Variants in ZBTB16 observed in about 807,000 individuals in gnomAD.
ZBTB16 encodes zinc finger and BTB domain-containing protein 16.
Under a neutral mutation model 56.8 loss-of-function variants are expected in ZBTB16, and 8 were observed. The observed-to-expected ratio is 0.14, with a 90% CI of 0.08 to 0.25. ZBTB16 has a LOEUF of 0.25. Ranked by LOEUF, ZBTB16 falls within the 10% of genes least tolerant of loss-of-function variation. The pLI, the probability that ZBTB16 is intolerant of heterozygous loss-of-function variation, is 1.00. For synonymous variants in ZBTB16, 363 were observed against 368.5 expected (o/e 0.98, Z 0.17); for missense variants, 625 against 903.0 (o/e 0.69, Z 3.95).
intron 4 of ZBTB16, among the ~76,000 whole-genome samples, chr11:114,238,318 G>A (rs960615084): frequency 3.3e-5 from 5 of 152,174 alleles, no homozygotes; most frequent in Admixed American, 3.3e-4. Flanking sequence ...TCTTAGTCAA[G>A]TCAGGCTGCT....
chr11:114,193,900 G>A (rs899810564), intron 4 of ZBTB16, among the ~76,000 whole-genome samples: 6 of 152,176 alleles, frequency 3.9e-5, no homozygotes, highest in African/African-American at 1.4e-4. Context: ...GACCATGGAG[G>A]CCTAGACACT....
chr11:114,173,629 A>C (rs1178181932), intron 3 of ZBTB16, among the ~76,000 whole-genome samples: 1 of 152,260 alleles, frequency 6.6e-6, no homozygotes, highest in East Asian at 1.9e-4. Flanking sequence ...CAATCTGGGC[A>C]GTGAGTAAAG....
At chr11:114,137,185 A>G (rs75926441) in intron 2 of ZBTB16, among the ~76,000 whole-genome samples, 1,977 of 152,276 alleles carry the variant, frequency 0.013, 13 homozygotes, top group Middle Eastern at 0.024. Flanking sequence ...TTTGGAGTAC[A>G]TTGTTCAGGA....
At chr11:114,142,805 G>A (rs1318906589) in intron 2 of ZBTB16, among the ~76,000 whole-genome samples, 1 of 152,110 alleles carries the variant, frequency 6.6e-6, no homozygotes. Context: ...TTTTCATGAA[G>A]TTATGGCCCG....
chr11:114,125,823 C>G (rs942428298), intron 2 of ZBTB16, among the ~76,000 whole-genome samples: 3 of 152,148 alleles, frequency 2.0e-5, no homozygotes, highest in African/African-American at 7.2e-5. Flanking sequence ...TACGGTCCTA[C>G]TTGACCCCCA....
At chr11:114,215,358 T>C (rs1944074825) in intron 4 of ZBTB16, among the ~76,000 whole-genome samples, 1 of 152,166 alleles carries the variant, frequency 6.6e-6, no homozygotes, top group Admixed American at 6.5e-5. Flanking sequence ...AGGATCAGGC[T>C]CGGGTTCTTC....
chr11:114,156,913 ATG>A (rs1192757038), intron 3 of ZBTB16, among the ~76,000 whole-genome samples: 1 of 151,964 alleles, frequency 6.6e-6, no homozygotes, highest in Non-Finnish European at 1.5e-5. Context: ...AATTTTGCTC[ATG>A]TTTGGGCAAA....
intron 4 of ZBTB16, 63 bp downstream of exon 4, chr11:114,187,101 ACTGT>A (rs758272725): frequency 1.3e-6 from 2 of 1,539,066 alleles, no homozygotes; most frequent in South Asian, 2.2e-5. Context: ...ATGGACATGA[ACTGT>A]CTGGGTGGCA....
chr11:114,135,887 A>G (rs2134876167), intron 2 of ZBTB16, among the ~76,000 whole-genome samples: 1 of 152,302 alleles, frequency 6.6e-6, no homozygotes, highest in Non-Finnish European at 1.5e-5. Context: ...AATGCCAGGG[A>G]GGATGGACTC....
intron 4 of ZBTB16, among the ~76,000 whole-genome samples, chr11:114,190,821 C>T (rs148774699): frequency 3.3e-5 from 5 of 152,098 alleles, no homozygotes; most frequent in African/African-American, 9.6e-5. Context: ...TGTATTAAGC[C>T]GTTCTTGCAT....
chr11:114,252,700 G>T lies in ZBTB16; in HGVS notation c.*2145G>T, dbSNP rs1239701469. Among the ~76,000 whole-genome samples the T allele has an allele frequency of 6.6e-6, 1 of 152,134 alleles. No homozygotes were observed. Among genetic ancestry groups the T allele is most frequent in the Non-Finnish European group, 1.5e-5 (1 of 68,028 alleles). ...GCGTTTTGATCTTAGGTTTTACAAA[G>T]TGGTTTAGGGAAGCGGTTTTGGGGA... On this transcript the variant is annotated 3_prime_UTR_variant, in exon 7 of 7. Coordinates refer to ENST00000335953, the MANE Select transcript of ZBTB16 (RefSeq NM_006006.6).
chr11:114,191,710 T>C (rs528007427), intron 4 of ZBTB16, among the ~76,000 whole-genome samples: 1 of 152,336 alleles, frequency 6.6e-6, no homozygotes, highest in Admixed American at 6.5e-5. Context: ...CAAAATTGTC[T>C]AATGAAACAT....
intron 2 of ZBTB16, among the ~76,000 whole-genome samples, chr11:114,107,295 T>G (rs1940827885): frequency 6.6e-6 from 1 of 152,206 alleles, no homozygotes. Flanking sequence ...TTGTTTCTGA[T>G]GATATCCAGA....
At chr11:114,111,599 T>G (rs73000965) in intron 2 of ZBTB16, among the ~76,000 whole-genome samples, 3 of 152,058 alleles carry the variant, frequency 2.0e-5, no homozygotes, top group Non-Finnish European at 4.4e-5. Flanking sequence ...TTTTTGTGGT[T>G]TAGAACCTCA....
chr11:114,166,911 G>A (rs994449996), intron 3 of ZBTB16, among the ~76,000 whole-genome samples: 3 of 152,072 alleles, frequency 2.0e-5, no homozygotes, highest in African/African-American at 7.2e-5. Context: ...GCAGAAGTTT[G>A]CATTTTTTTG....
intron 4 of ZBTB16, among the ~76,000 whole-genome samples, chr11:114,224,013 CT>C (rs994798945): frequency 2.0e-5 from 3 of 152,082 alleles, no homozygotes; most frequent in African/African-American, 7.2e-5. Context: ...GTGAAAGGCC[CT>C]TGAAAACCAT....
At chr11:114,237,034 G>T (rs1433276444) in intron 4 of ZBTB16, among the ~76,000 whole-genome samples, 2 of 152,194 alleles carry the variant, frequency 1.3e-5, no homozygotes, top group African/African-American at 2.4e-5. Flanking sequence ...TGTGTATTGT[G>T]CAGGGCTGCC....
intron 2 of ZBTB16, among the ~76,000 whole-genome samples, chr11:114,131,624 T>A (rs1325053438): frequency 6.6e-6 from 1 of 152,194 alleles, no homozygotes; most frequent in African/African-American, 2.4e-5. Flanking sequence ...TAGCTTTAAG[T>A]TGAGCTAGGC....
rs1470899961 is a variant in ZBTB16 at position 114,242,478 on chromosome 11, C to T, written c.1624+141C>T. The T allele has an allele frequency of 6.3e-5, 78 of 1,244,416 alleles. 1 individual carries two copies. In the Admixed American group the frequency reaches 1.3e-3, roughly 21 times the overall value. The allele number at this position is 1,244,416 out of a possible 1,614,324, so 77.1% of individuals were successfully genotyped here. A position where few individuals can be genotyped will look rare whatever the true frequency, so the allele number is the denominator to read the frequency against. On this transcript the variant is annotated intron_variant, in intron 5 of 6. Coordinates refer to ENST00000335953, the MANE Select transcript of ZBTB16 (RefSeq NM_006006.6). ...AAGGCTTGGACGTGCAGAGGCTGCC[C>T]GTCGTGCAGGTAAATGTGGACAGTT...
Sources: gnomAD v4.1 joint callset for allele counts (sites outside exome capture counted in the v4.1 genomes callset) on GRCh38, gnomAD v4.1.1 for gene constraint, MANE v1.5 for transcripts, NCBI Gene and HGNC (gene_info 2026-07-23, HGNC 2026-07-21) for gene names.